Variants in EXOC6B observed in about 807,000 individuals in gnomAD.
EXOC6B encodes SEC15 homolog B.
Under a neutral mutation model 113.5 loss-of-function variants are expected in EXOC6B, and 54 were observed. The ratio of observed to expected loss-of-function variants is 0.48; its 90% CI spans 0.38 to 0.60. The LOEUF is 0.60. EXOC6B is among the 20% of genes least tolerant of loss of function. The pLI, the probability that EXOC6B is intolerant of heterozygous loss-of-function variation, is 0.00. For synonymous variants in EXOC6B, 357 were observed against 339.0 expected, an observed-to-expected ratio of 1.05 and a Z score of -0.58; for missense variants, 797 against 977.5, an observed-to-expected ratio of 0.82 and a Z score of 2.46.
intron 20 of EXOC6B, among the ~76,000 whole-genome samples, chr2:72,282,328 T>C (rs1276698909): frequency 6.6e-6 from 1 of 152,062 alleles, no homozygotes; most frequent in Non-Finnish European, 1.5e-5. Flanking sequence ...AGTCTAAAGT[T>C]GAAGATTTTC....
chr2:72,488,302 G>C (rs1444648469), intron 16 of EXOC6B, among the ~76,000 whole-genome samples: 1 of 151,646 alleles, frequency 6.6e-6, no homozygotes, highest in East Asian at 1.9e-4. Flanking sequence ...CTTAATATCA[G>C]AGTACCCAAA....
chr2:72,340,072 A>G (rs183960436), intron 19 of EXOC6B, among the ~76,000 whole-genome samples: 87 of 152,300 alleles, frequency 5.7e-4, no homozygotes, highest in Middle Eastern at 3.4e-3. Flanking sequence ...GGCTGATCTT[A>G]AAATTAACAA....
chr2:72,350,660 C>G (rs4852865), intron 19 of EXOC6B, among the ~76,000 whole-genome samples: 150,616 of 152,354 alleles, frequency 0.99, 74,458 homozygotes, highest in East Asian at 1. Flanking sequence ...GTAGTTATTA[C>G]GTAAGGCGTC....
intron 1 of EXOC6B, among the ~76,000 whole-genome samples, chr2:72,796,335 C>T (rs998156492): frequency 6.6e-6 from 1 of 151,396 alleles, no homozygotes; most frequent in Admixed American, 6.6e-5. Flanking sequence ...TGCTTGTAAT[C>T]CCAGCTACTC....
At chr2:72,471,161 A>C (rs1162444640) in intron 17 of EXOC6B, among the ~76,000 whole-genome samples, 2 of 152,172 alleles carry the variant, frequency 1.3e-5, no homozygotes, top group African/African-American at 4.8e-5. Context: ...TCGCCATTCT[A>C]ACTGGTGTGA....
At chr2:72,459,542 G>C (rs1697487293) in intron 18 of EXOC6B, among the ~76,000 whole-genome samples, 1 of 152,130 alleles carries the variant, frequency 6.6e-6, no homozygotes, top group Non-Finnish European at 1.5e-5. Flanking sequence ...AAAGTCACAA[G>C]CATTCTTATA....
At chr2:72,726,665 AATAAC>A (rs765365270) in intron 5 of EXOC6B, among the ~76,000 whole-genome samples, 2 of 152,162 alleles carry the variant, frequency 1.3e-5, no homozygotes, top group South Asian at 2.1e-4. Flanking sequence ...ACTTAACAAT[AATAAC>A]ATAACAACAA....
chr2:72,435,799 C>T (rs898813568), intron 18 of EXOC6B, among the ~76,000 whole-genome samples: 2 of 151,686 alleles, frequency 1.3e-5, no homozygotes, highest in African/African-American at 4.9e-5. Context: ...TGTCTTTGCA[C>T]GTGAGATGGA....
intron 19 of EXOC6B, among the ~76,000 whole-genome samples, chr2:72,363,960 G>A (rs999222202): frequency 6.6e-6 from 1 of 151,970 alleles, no homozygotes; most frequent in East Asian, 1.9e-4. Context: ...TGGAAGACCT[G>A]ACCTCATATT....
In EXOC6B at chr2:72,705,278, G is replaced by A. The variant is rs972892212; in HGVS notation, c.669+12825C>T. On this transcript the variant is annotated intron_variant, in intron 6 of 21. Transcript: ENST00000272427. ...AAAGCCTTTGACAAAATTCAACAAC[G>A]CTTCATGCTAAAAACTCTCAATAAA... 7.2e-5 allele frequency among the ~76,000 whole-genome samples: 11 copies of A among 152,034 alleles called. No individual in the cohort carries two copies. In the Middle Eastern group the frequency reaches 0.01, roughly 141 times the overall value.
At chr2:72,724,732 A>C (rs1680205517) in intron 5 of EXOC6B, among the ~76,000 whole-genome samples, 1 of 152,204 alleles carries the variant, frequency 6.6e-6, no homozygotes, top group Non-Finnish European at 1.5e-5. Context: ...GAAATAAAAC[A>C]TAAAAAGCTA....
chr2:72,477,975 G>A (rs867161475), intron 17 of EXOC6B, among the ~76,000 whole-genome samples: 14 of 152,110 alleles, frequency 9.2e-5, no homozygotes, highest in Non-Finnish European at 1.6e-4. Flanking sequence ...GTAAAGTGAG[G>A]AGACTCACTT....
chr2:72,536,348 T>G (rs1461574845), intron 8 of EXOC6B, among the ~76,000 whole-genome samples: 1 of 152,220 alleles, frequency 6.6e-6, no homozygotes, highest in Non-Finnish European at 1.5e-5. Context: ...TATTATTTCT[T>G]ACTTTGATCC....
intron 8 of EXOC6B, among the ~76,000 whole-genome samples, chr2:72,527,320 C>T (rs1465171701): frequency 1.3e-5 from 2 of 151,872 alleles, no homozygotes; most frequent in South Asian, 2.1e-4. Flanking sequence ...TTTTGATTAG[C>T]TTATTTCACT....
At chr2:72,279,673 G>A (rs1169561419) in intron 20 of EXOC6B, among the ~76,000 whole-genome samples, 2 of 151,994 alleles carry the variant, frequency 1.3e-5, no homozygotes, top group Non-Finnish European at 2.9e-5. Flanking sequence ...GAGTACAATG[G>A]TGTGATCTCA....
intron 6 of EXOC6B, among the ~76,000 whole-genome samples, chr2:72,638,897 C>A (rs192069372): frequency 1.5e-3 from 235 of 152,298 alleles, no homozygotes; most frequent in African/African-American, 5.0e-3. Context: ...GCCAGACCAA[C>A]ATGAGCACCC....
chr2:72,277,605 C>T (rs1684878290), intron 20 of EXOC6B, among the ~76,000 whole-genome samples: 1 of 151,854 alleles, frequency 6.6e-6, no homozygotes, highest in Non-Finnish European at 1.5e-5. Context: ...AATTCTTGTG[C>T]CTCAGCTTCC....
chr2:72,281,091 TTGGGAC>T (rs1007434410), intron 20 of EXOC6B, among the ~76,000 whole-genome samples: 2 of 152,160 alleles, frequency 1.3e-5, no homozygotes, highest in African/African-American at 4.8e-5. Flanking sequence ...ATGCTCCCAG[TTGGGAC>T]ACATAAAGGG....
chr2:72,573,011 C>T (rs1229519656), intron 7 of EXOC6B, among the ~76,000 whole-genome samples: 3 of 152,122 alleles, frequency 2.0e-5, no homozygotes, highest in Admixed American at 2.0e-4. Flanking sequence ...TACAGTACTA[C>T]TTTTATGAGA....
Sources: allele counts gnomAD v4.1 joint callset (sites outside exome capture counted in the v4.1 genomes callset), GRCh38; gene constraint gnomAD v4.1.1; transcripts MANE v1.5; gene names NCBI Gene and HGNC (gene_info 2026-07-23, HGNC 2026-07-21).